Variants in MMP16 observed in about 807,000 individuals in gnomAD.
MMP16 encodes matrix metallopeptidase 16.
A neutral mutation model predicts 67.8 loss-of-function variants in MMP16; 12 were observed. That is an observed-to-expected ratio of 0.18 (90% confidence interval 0.11 to 0.29). MMP16 has a LOEUF of 0.29. MMP16 is among the 10% of genes least tolerant of loss of function. MMP16 has a pLI of 1.00. For synonymous variants in MMP16, 249 were observed against 255.9 expected (o/e 0.97, Z 0.26); for missense variants, 475 against 765.7 (o/e 0.62, Z 4.48).
At chr8:88,322,236 G>T (rs191136995) in intron 1 of MMP16, among the ~76,000 whole-genome samples, 2 of 152,058 alleles carry the variant, frequency 1.3e-5, no homozygotes, top group African/African-American at 4.8e-5. Context: ...AGATTTCAGC[G>T]AACGTGATGT....
intron 7 of MMP16, among the ~76,000 whole-genome samples, chr8:88,063,482 C>CT (rs147148394): frequency 0.19 from 26,615 of 136,654 alleles, 2,715 homozygotes; most frequent in African/African-American, 0.26. Flanking sequence ...ACCTAATAAC[C>CT]TTTTTTTTTT....
chr8:88,055,557 T>A (rs760601293), intron 8 of MMP16, among the ~76,000 whole-genome samples: 1 of 152,138 alleles, frequency 6.6e-6, no homozygotes, highest in Non-Finnish European at 1.5e-5. Context: ...TGAACACTGT[T>A]AGCAATATCA....
At chr8:88,147,852 G>A (rs940887118) in intron 4 of MMP16, among the ~76,000 whole-genome samples, 3 of 151,868 alleles carry the variant, frequency 2.0e-5, no homozygotes, top group African/African-American at 4.8e-5. Flanking sequence ...TCCTCTATAT[G>A]TGGATTCATA....
rs1809073514 is a variant in MMP16, at chr8:88,186,395, G to C, written c.404+81C>G. The C allele has an allele frequency of 1.9e-6, 3 of 1,543,902 alleles. No homozygotes were observed. In the South Asian group the frequency reaches 3.4e-5, roughly 18 times the overall value. The stretch of plus-strand genomic sequence containing the variant: ...CTATATATTAACATGTAGTCAACGT[G>C]CAGAAGATACTAAACTATGTGTCAA... On this transcript the variant is annotated intron_variant, in intron 3 of 9. Transcript: ENST00000286614.
intron 6 of MMP16, among the ~76,000 whole-genome samples, chr8:88,110,141 A>G (rs1809309314): frequency 6.6e-6 from 1 of 151,330 alleles, no homozygotes; most frequent in African/African-American, 2.4e-5. Flanking sequence ...AATCCAAAAC[A>G]AGTATCCAAA....
At chr8:88,187,938 C>T (rs768552495) in intron 2 of MMP16, among the ~76,000 whole-genome samples, 15 of 152,126 alleles carry the variant, frequency 9.9e-5, no homozygotes, top group Admixed American at 3.3e-4. Flanking sequence ...ATCTTGTAAA[C>T]GCTAAATTCT....
intron 1 of MMP16, among the ~76,000 whole-genome samples, chr8:88,235,404 A>G (rs988293726): frequency 6.6e-6 from 1 of 151,874 alleles, no homozygotes; most frequent in African/African-American, 2.4e-5. Flanking sequence ...AAAAAAAAAA[A>G]AAAATCAAAC....
At chr8:88,289,886 C>T (rs1810895665) in intron 1 of MMP16, among the ~76,000 whole-genome samples, 1 of 152,084 alleles carries the variant, frequency 6.6e-6, no homozygotes. Flanking sequence ...TTGAAACTTC[C>T]TCCAGCTGGC....
chr8:88,322,748 G>A (rs1277066235), intron 1 of MMP16, among the ~76,000 whole-genome samples: 3 of 152,094 alleles, frequency 2.0e-5, no homozygotes, highest in Non-Finnish European at 2.9e-5. Context: ...AGGAGGCTAA[G>A]GTGGGAGGAT....
chr8:88,221,093 A>T (rs557300248), intron 1 of MMP16, among the ~76,000 whole-genome samples: 1 of 152,016 alleles, frequency 6.6e-6, no homozygotes, highest in South Asian at 2.1e-4. Context: ...GCCATGGTAG[A>T]GCTGGGGGCT....
chr8:88,180,791 A>G (rs1808967616), intron 3 of MMP16, among the ~76,000 whole-genome samples: 1 of 152,170 alleles, frequency 6.6e-6, no homozygotes, highest in African/African-American at 2.4e-5. Flanking sequence ...AAAATCCTCA[A>G]AAAAGTCAGC....
chr8:88,153,847 A>C (rs2129654264), intron 4 of MMP16, among the ~76,000 whole-genome samples: 1 of 152,108 alleles, frequency 6.6e-6, no homozygotes, highest in East Asian at 1.9e-4. Flanking sequence ...AATGGCAACA[A>C]AAGCCAAAAG....
chr8:88,100,632 T>C lies in MMP16; in HGVS notation c.1083+15875A>G, dbSNP rs192471722. Among the ~76,000 whole-genome samples, 13 of 152,154 alleles carry C rather than the reference T, an allele frequency of 8.5e-5. No homozygotes were observed. In the East Asian group the frequency reaches 2.3e-3, roughly 27 times the overall value. The stretch of plus-strand genomic sequence containing the variant: ...CCCAGCCATCCCATTACTGGGTATA[T>C]ACCCAAAGGATTATAAATCATGCTG... On this transcript the variant is annotated intron_variant, in intron 6 of 9. Coordinates refer to ENST00000286614, the MANE Select transcript of MMP16 (RefSeq NM_005941.5).
At chr8:88,129,536 C>A (rs1463165478) in intron 4 of MMP16, among the ~76,000 whole-genome samples, 2 of 151,146 alleles carry the variant, frequency 1.3e-5, no homozygotes, top group African/African-American at 4.9e-5. Context: ...CCCTGTGTTC[C>A]CTAAGTGAAG....
intron 1 of MMP16, among the ~76,000 whole-genome samples, chr8:88,273,402 C>A (rs999076203): frequency 9.9e-5 from 15 of 151,994 alleles, no homozygotes; most frequent in African/African-American, 3.4e-4. Flanking sequence ...AGAAAATAAC[C>A]TGCCTTTGAT....
intron 1 of MMP16, among the ~76,000 whole-genome samples, chr8:88,301,228 G>A (rs1811093754): frequency 6.6e-6 from 1 of 152,038 alleles, no homozygotes; most frequent in Admixed American, 6.6e-5. Context: ...CATGCCGGGG[G>A]GAAAGAAAGT....
At chr8:88,272,169 A>G (rs1175841714) in intron 1 of MMP16, among the ~76,000 whole-genome samples, 1 of 152,176 alleles carries the variant, frequency 6.6e-6, no homozygotes, top group African/African-American at 2.4e-5. Context: ...TTGTATTATT[A>G]GCAGTATTAT....
At chr8:88,083,006 T>C (rs537183316) in intron 6 of MMP16, among the ~76,000 whole-genome samples, 70 of 152,022 alleles carry the variant, frequency 4.6e-4, no homozygotes, top group Non-Finnish European at 9.4e-4. Flanking sequence ...TTCAAATAAA[T>C]ATTAATCTTC....
Position 88,206,145 on chromosome 8 carries a change from A to AT in MMP16, c.133-8840_133-8839insA, listed in dbSNP as rs1357597451. Among the ~76,000 whole-genome samples, 9 of 152,132 alleles carry AT rather than the reference A, an allele frequency of 5.9e-5. No individual in the cohort carries two copies. The South Asian group carries it at 1.9e-3, about 32-fold the overall frequency. ...CCTTTTTTTAAATTGTGGTAAAAAA[A>AT]ATATATAATCTAAATTTATCATTTT... On this transcript the variant is annotated intron_variant, in intron 1 of 9. Transcript: ENST00000286614.
Sources: allele counts gnomAD v4.1 joint callset (sites outside exome capture counted in the v4.1 genomes callset), GRCh38; gene constraint gnomAD v4.1.1; transcripts MANE v1.5; gene names NCBI Gene and HGNC (gene_info 2026-07-23, HGNC 2026-07-21).